ST3GAL1: variants seen among roughly 807,000 people sequenced by gnomAD.
The protein encoded by ST3GAL1 is ST3 beta-galactoside alpha-2,3-sialyltransferase 1, also known as CMP-N-acetylneuraminate-beta-galactosamide-alpha-2,3-sialyltransferase 1.
ST3GAL1 carries 16 observed loss-of-function variants against 34.1 expected under a neutral mutation model. That is an observed-to-expected ratio of 0.47 (90% CI 0.32 to 0.71). The LOEUF (loss-of-function observed/expected upper bound fraction) is 0.71. ST3GAL1 is among the 30% of genes least tolerant of loss of function. The pLI, the probability that ST3GAL1 is intolerant of heterozygous loss-of-function variation, is 0.04. For missense variants in ST3GAL1, 353 were observed against 447.4 expected (o/e 0.79, Z 1.90); for synonymous variants, 191 against 184.7 (o/e 1.03, Z -0.28).
intron 3 of ST3GAL1, among the ~76,000 whole-genome samples, chr8:133,478,872 G>A (rs907520890): frequency 1.1e-4 from 17 of 152,186 alleles, no homozygotes; most frequent in East Asian, 3.9e-4. Flanking sequence ...CCTGTCACCC[G>A]TGCACACACT....
At chr8:133,554,690 A>G (rs903907108) in intron 1 of ST3GAL1, among the ~76,000 whole-genome samples, 1 of 151,416 alleles carries the variant, frequency 6.6e-6, no homozygotes, top group Non-Finnish European at 1.5e-5. Flanking sequence ...GTGCTGGTCC[A>G]GCCATCTACT....
At chr8:133,567,092 T>C (rs1321171469) in intron 1 of ST3GAL1, 1 of 152,224 alleles carries the variant, frequency 6.6e-6, no homozygotes, top group African/African-American at 2.4e-5. Context: ...CTTTGCTCTC[T>C]TGCAGTCTGA....
rs1443942944 is a variant in ST3GAL1 at position 133,563,754 on chromosome 8, C to T, written c.-582+7939G>A. 3.3e-5 allele frequency among the ~76,000 whole-genome samples: 5 copies of T among 152,336 alleles called. No individual in the cohort carries two copies. The South Asian group carries it at 6.2e-4, about 19-fold the overall frequency. On this transcript the variant is annotated intron_variant, in intron 1 of 9. Transcript: ENST00000522652. The stretch of plus-strand genomic sequence containing the variant: ...TCATTATAATAGTAAAAAACACACT[C>T]CCGGGTGGAGATTTCAGATGTTAAT...
chr8:133,558,133 G>A (rs775415976), intron 1 of ST3GAL1, among the ~76,000 whole-genome samples: 22 of 152,150 alleles, frequency 1.4e-4, no homozygotes, highest in Non-Finnish European at 2.5e-4. Flanking sequence ...CTTCTAAACC[G>A]CAAAGCTGCC....
At position 133,538,794 on chromosome 8, in the gene ST3GAL1, G is replaced by A. The variant is rs148491971; in HGVS notation, c.-429+6980C>T. ...TCATCTCCTAATCTTGACATTGCAG[G>A]TATTTCCAGCATATTGCTTAAAAGC... is the stretch of plus-strand genomic sequence containing the variant. On this transcript the variant is annotated intron_variant, in intron 2 of 9. Transcript: ENST00000522652. 7.1e-3 allele frequency among the ~76,000 whole-genome samples: 1,078 copies of A among 152,316 alleles called. 17 individuals carry two copies. Among genetic ancestry groups the A allele is most frequent in the African/African-American group, 0.024 (1,007 of 41,566 alleles).
rs1586596976 is a variant in ST3GAL1, at chr8:133,476,192, G to A, written c.-51+86C>T. 5.6e-6 allele frequency: 4 copies of A among 708,134 alleles called. No individual in the cohort carries two copies. The East Asian group carries it at 1.1e-4, about 20-fold the overall frequency. 43.9% of individuals were successfully genotyped at this position (708,134 alleles called of 1,614,324 possible). On this transcript the variant is annotated intron_variant, in intron 4 of 9. Coordinates refer to ENST00000522652, the MANE Select transcript of ST3GAL1 (RefSeq NM_173344.3). ...TAAGCTCGACTTCACTCCTGCTGGGGGATGACCCCCAACTGTGTCCCAGAC... is the reference window on the plus strand; with the variant it reads ...TAAGCTCGACTTCACTCCTGCTGGGAGATGACCCCCAACTGTGTCCCAGAC...
chr8:133,461,794 C>T lies in ST3GAL1; in HGVS notation c.849+81G>A. The T allele has an allele frequency of 6.3e-7, 1 of 1,584,188 alleles. No homozygotes were observed. Reference sequence around the variant, plus strand: ...GAAGAGGCAGGCTAGGTCTACCTGCCCTCCCCCTCCCTGGCCTCTCTTGGG... The same window carrying T: ...GAAGAGGCAGGCTAGGTCTACCTGCTCTCCCCCTCCCTGGCCTCTCTTGGG... On this transcript the variant is annotated intron_variant, in intron 9 of 9. Transcript: ENST00000522652. The surrounding 1 kb of genome is among the most constrained non-coding windows in gnomAD (Gnocchi z 4.7).
At chr8:133,514,894 A>G (rs1279795232) in intron 2 of ST3GAL1, among the ~76,000 whole-genome samples, 2 of 152,076 alleles carry the variant, frequency 1.3e-5, no homozygotes, top group Non-Finnish European at 2.9e-5. Flanking sequence ...GGAGGGAAGC[A>G]ACACCACACA....
chr8:133,489,355 A>G (rs1469007620), intron 3 of ST3GAL1, among the ~76,000 whole-genome samples: 1 of 152,060 alleles, frequency 6.6e-6, no homozygotes, highest in Non-Finnish European at 1.5e-5. Context: ...GCTGTGCCCC[A>G]CAGAAAGCCA....
chr8:133,483,826 TAGAG>T (rs1226249501), intron 3 of ST3GAL1, among the ~76,000 whole-genome samples: 1 of 152,126 alleles, frequency 6.6e-6, no homozygotes, highest in Non-Finnish European at 1.5e-5. Context: ...GAGGCTTATG[TAGAG>T]AGTCAGGCCC....
At chr8:133,520,693 C>T (rs746001190) in intron 2 of ST3GAL1, among the ~76,000 whole-genome samples, 1 of 152,088 alleles carries the variant, frequency 6.6e-6, no homozygotes, top group African/African-American at 2.4e-5. Flanking sequence ...TACGTAATTC[C>T]CCTTTTCGGA....
At position 133,508,460 on chromosome 8, in the gene ST3GAL1, TC is replaced by T. The variant is rs978178459; in HGVS notation, c.-428-9272del. 3.5e-4 allele frequency among the ~76,000 whole-genome samples: 53 copies of T among 152,134 alleles called. No individual in the cohort carries two copies. The highest frequency in any genetic ancestry group is 1.0e-3 in the African/African-American group (43 of 41,502). On this transcript the variant is annotated intron_variant, in intron 2 of 9. Coordinates refer to ENST00000522652, the MANE Select transcript of ST3GAL1 (RefSeq NM_173344.3). The surrounding 1 kb of genome is among the most constrained non-coding windows in gnomAD (Gnocchi z 4.1). ...AGCAGCTCCCCTGCGTAGCCCTGTG[TC>T]CCCCACCCTTTCCCTGGAACACTTC...
Position 133,531,669 on chromosome 8 carries a change from G to A in ST3GAL1, c.-429+14105C>T, listed in dbSNP as rs116002247. Reference sequence around the variant, plus strand: ...CACACCAGGGCCAGTCAGGGGGTGAGGGGAGGGAGAGCATTAGGACAAATA... The same window carrying A: ...CACACCAGGGCCAGTCAGGGGGTGAAGGGAGGGAGAGCATTAGGACAAATA... On this transcript the variant is annotated intron_variant, in intron 2 of 9. Coordinates refer to ENST00000522652, the MANE Select transcript of ST3GAL1 (RefSeq NM_173344.3). Among the ~76,000 whole-genome samples the A allele has an allele frequency of 6.1e-3, 931 of 152,198 alleles. 5 individuals carry two copies. Among genetic ancestry groups the A allele is most frequent in the African/African-American group, 0.02 (837 of 41,516 alleles).
intron 5 of ST3GAL1, among the ~76,000 whole-genome samples, chr8:133,473,346 G>C (rs1328816188): frequency 6.6e-6 from 1 of 152,114 alleles, no homozygotes; most frequent in Non-Finnish European, 1.5e-5. Flanking sequence ...CTGAGTTTCA[G>C]TTTCCTTGTC....
At chr8:133,496,677 G>A (rs1475466663) in intron 3 of ST3GAL1, among the ~76,000 whole-genome samples, 4 of 152,198 alleles carry the variant, frequency 2.6e-5, no homozygotes, top group Admixed American at 6.5e-5. Flanking sequence ...CTGCTGTGGA[G>A]CCCAGGGTTC....
intron 5 of ST3GAL1, among the ~76,000 whole-genome samples, chr8:133,472,205 A>T (rs1815997295): frequency 6.6e-6 from 1 of 151,910 alleles, no homozygotes; most frequent in Non-Finnish European, 1.5e-5. Flanking sequence ...CAACTAAAAG[A>T]GTGAGCCCTG....
intron 1 of ST3GAL1, among the ~76,000 whole-genome samples, chr8:133,546,875 G>C (rs556361097): frequency 6.6e-6 from 1 of 151,976 alleles, no homozygotes; most frequent in Admixed American, 6.6e-5. Flanking sequence ...GGCACATGGC[G>C]CATGCCTATA....
chr8:133,487,911 T>G (rs555006651), intron 3 of ST3GAL1, among the ~76,000 whole-genome samples: 13 of 148,710 alleles, frequency 8.7e-5, no homozygotes, highest in Admixed American at 1.4e-4. Context: ...GAGGTTGCAG[T>G]GAGCCGAGAT....
At position 133,570,662 on chromosome 8, in the gene ST3GAL1, C is replaced by T. The variant is rs1819541304; in HGVS notation, c.-582+1031G>A. Among the ~76,000 whole-genome samples, 1 of 152,220 alleles carries T rather than the reference C, an allele frequency of 6.6e-6. No individual in the cohort carries two copies. Among genetic ancestry groups the T allele is most frequent in the South Asian group, 2.1e-4 (1 of 4,830 alleles). On this transcript the variant is annotated intron_variant, in intron 1 of 9. Transcript: ENST00000522652. This position sits in a 1 kb window ranked among gnomAD's most constrained non-coding sequence, Gnocchi z 5.6. ...GCCGGGGCGCAAGCTCAACCCCCAT[C>T]TCAAGTTCAGCCGCGCTTCCTCCCG...
Sources: allele counts gnomAD v4.1 joint callset (sites outside exome capture counted in the v4.1 genomes callset), GRCh38; gene constraint gnomAD v4.1.1; non-coding constraint Gnocchi (gnomAD v3.1); transcripts MANE v1.5; gene names NCBI Gene and HGNC (gene_info 2026-07-23, HGNC 2026-07-21).